Variants in ESPNL observed in about 807,000 individuals in gnomAD.
ESPNL encodes the protein espin like, also known as espin-like protein.
Under a neutral mutation model 46.8 loss-of-function variants are expected in ESPNL, and 49 were observed. The observed-to-expected ratio is 1.05, with a 90% CI of 0.83 to 1.33. The LOEUF is 1.33. ESPNL is among the 40% of genes most tolerant of loss of function. The pLI is 0.00. For synonymous variants in ESPNL, 664 were observed against 662.1 expected (o/e 1.00, Z -0.04); for missense variants, 1,540 against 1,436.6 (o/e 1.07, Z -1.16).
intron 3 of ESPNL, 142 bp from the exon 4 acceptor site, chr2:238,107,649 C>G: frequency 1.2e-6 from 1 of 850,958 alleles, no homozygotes; most frequent in South Asian, 1.9e-5. Context: ...CTCAGCCAGC[C>G]CTGTCCGGGG....
In ESPNL at chr2:238,125,328, C is replaced by G; in HGVS notation, c.1046C>G (p.Thr349Arg). 1 of 1,574,052 alleles carries G rather than the reference C, an allele frequency of 6.4e-7. No homozygotes were observed. The highest frequency in any genetic ancestry group is 8.6e-7 in the Non-Finnish European group (1 of 1,160,218). Residue 349 changes from threonine to arginine, a missense_variant, in exon 6 of 9, where the codon ACG becomes AGG. Thr to Arg is a moderately conservative substitution (Grantham distance 71). Coordinates refer to ENST00000343063, the MANE Select transcript of ESPNL (RefSeq NM_194312.4). ...TTCCCCCCACCTCCACTGTTGGCCACGAGGCGCTCCCTGGAGGATGGAAGA... is the reference window on the plus strand; with the variant it reads ...TTCCCCCCACCTCCACTGTTGGCCAGGAGGCGCTCCCTGGAGGATGGAAGA... ...PPFPPPPLLATRRSLEDGRRG... is the reference protein window; with the variant it reads ...PPFPPPPLLARRRSLEDGRRG...
intron 5 of ESPNL, among the ~76,000 whole-genome samples, chr2:238,119,447 A>AGGAGGGTGGATG (rs1559263993): frequency 5.4e-5 from 4 of 74,002 alleles, no homozygotes; most frequent in African/African-American, 2.4e-4. Context: ...GAGGTGGAGG[A>AGGAGGGTGGATG]GAGGAGGTTA....
In ESPNL at chr2:238,131,894, TCTC is replaced by T; in HGVS notation, c.*167_*169del. On this transcript the variant is annotated 3_prime_UTR_variant, in exon 9 of 9. Coordinates refer to ENST00000343063, the MANE Select transcript of ESPNL (RefSeq NM_194312.4). ...CGGGACTGTTCTGTTGTGGCATGGT[TCTC>T]CTCCGAGCTGGGACTCAGACTCCTT... The T allele has an allele frequency of 1.3e-6, 1 of 763,244 alleles. No individual in the cohort carries two copies. The allele number at this position is 763,244 out of a possible 1,614,324, so 47.3% of individuals were successfully genotyped here. A position where few individuals can be genotyped will look rare whatever the true frequency, so the allele number is the denominator to read the frequency against.
chr2:238,126,947 C>CTATGTTATTGTGTGTGTCACTA (rs143078632), intron 6 of ESPNL, among the ~76,000 whole-genome samples: 2 of 149,800 alleles, frequency 1.3e-5, no homozygotes, highest in African/African-American at 4.9e-5. Context: ...GTGTGTGTCA[C>CTATGTTATTGTGTGTGTCACTA]TGTTATTGTG....
At position 238,100,515 on chromosome 2, in the gene ESPNL, C is replaced by T. The variant is rs747153508; in HGVS notation, c.96C>T (p.Thr32=). ...LEAGALGPGI[T]DALGAGLVHH... ...CTGGCGCCCTGGGCCCGGGCATCACCGATGCTCTGGGGGCCGGCCTGGTTC... is the reference window on the plus strand; with the variant it reads ...CTGGCGCCCTGGGCCCGGGCATCACTGATGCTCTGGGGGCCGGCCTGGTTC... Residue 32 remains threonine, a synonymous_variant, in exon 1 of 9, where the codon ACC becomes ACT. Coordinates refer to ENST00000343063, the MANE Select transcript of ESPNL (RefSeq NM_194312.4). 31 of 1,597,180 alleles carry T rather than the reference C, an allele frequency of 1.9e-5. No individual in the cohort carries two copies. The highest frequency in any genetic ancestry group is 9.1e-5 in the East Asian group (4 of 44,184).
rs751883535 is a variant in ESPNL, at chr2:238,130,854, T to G, written c.2140T>G (p.Ser714Ala). ...TGGCGACACAGAGGAGGCCAGCGACTCTGGCATCAGCTGCGAGGAGGTGCC... is the reference window on the plus strand; with the variant it reads ...TGGCGACACAGAGGAGGCCAGCGACGCTGGCATCAGCTGCGAGGAGGTGCC... ...RPGDTEEASD[S>A]GISCEEVPSE... is the part of the protein sequence containing the mutation. The change falls in exon 9 of 9, where the codon TCT becomes GCT. Residue 714 changes from serine (S) to alanine (A), a missense_variant. Ser to Ala is a moderately conservative substitution (Grantham distance 99). Coordinates refer to ENST00000343063, the MANE Select transcript of ESPNL (RefSeq NM_194312.4). 8 of 1,553,582 alleles carry G rather than the reference T, an allele frequency of 5.1e-6. No individual in the cohort carries two copies. The highest frequency in any genetic ancestry group is 7.0e-6 in the Non-Finnish European group (8 of 1,150,422).
chr2:238,112,212 T>TTTTTTTTTTTTTTTTTTTTG (rs1559261150), intron 4 of ESPNL, among the ~76,000 whole-genome samples: 1 of 151,896 alleles, frequency 6.6e-6, no homozygotes, highest in African/African-American at 2.4e-5. Context: ...TTCTATTTTT[T>TTTTTTTTTTTTTTTTTTTTG]ATGTGTTGGT....
rs151032304 is a variant in ESPNL at position 238,124,400 on chromosome 2, C to G, written c.988-870C>G. ...TGGTGGGCACATTGGGGACCCCATC[C>G]TAGTCCACTGCCCTTCCCTCTCCTC... is the stretch of plus-strand genomic sequence containing the variant. On this transcript the variant is annotated intron_variant, in intron 5 of 8. Coordinates refer to ENST00000343063, the MANE Select transcript of ESPNL (RefSeq NM_194312.4). Among the ~76,000 whole-genome samples the G allele has an allele frequency of 5.3e-3, 805 of 152,356 alleles. 7 individuals are homozygous for G. The highest frequency in any genetic ancestry group is 0.018 in the African/African-American group (754 of 41,576).
rs550082764 is a variant in ESPNL at position 238,114,827 on chromosome 2, G to A, written c.856-2076G>A. Among the ~76,000 whole-genome samples the A allele has an allele frequency of 1.6e-4, 25 of 152,296 alleles. No individual in the cohort carries two copies. In the South Asian group the frequency reaches 4.3e-3, roughly 26 times the overall value. On this transcript the variant is annotated intron_variant, in intron 4 of 8. Transcript: ENST00000343063. This position sits in a 1 kb window ranked among gnomAD's most constrained non-coding sequence, Gnocchi z 5.0. ...CACAAATAAAGCCTTGTGGGCACCCGGCCACGCTATGGGTGGCAGCTTTCG... is the reference window on the plus strand; with the variant it reads ...CACAAATAAAGCCTTGTGGGCACCCAGCCACGCTATGGGTGGCAGCTTTCG...
chr2:238,124,509 A>G (rs1692053964), intron 5 of ESPNL, among the ~76,000 whole-genome samples: 1 of 152,186 alleles, frequency 6.6e-6, no homozygotes, highest in Non-Finnish European at 1.5e-5. Flanking sequence ...ACCACAGCAC[A>G]GGAGTCAGGG....
rs5839686 is a variant in ESPNL at position 238,110,949 on chromosome 2, C to CTTTTTTTTT, written c.855+2989_855+2997dup. On this transcript the variant is annotated intron_variant, in intron 4 of 8. Transcript: ENST00000343063. ...GTTTCAGTATATCACATTAGTTATTCTTTTTTTTTTTTTTTTTTTTTGAGA... is the reference window on the plus strand; with the variant it reads ...GTTTCAGTATATCACATTAGTTATTCTTTTTTTTTTTTTTTTTTTTTTTTTTTTTTGAGA... Among the ~76,000 whole-genome samples the CTTTTTTTTT allele has an allele frequency of 2.4e-4, 27 of 111,000 alleles. 1 individual carries two copies. The highest frequency in any genetic ancestry group is 4.2e-4 in the Non-Finnish European group (24 of 56,912). 72.8% of individuals were successfully genotyped at this position (111,000 alleles called of 152,430 possible).
chr2:238,105,225 C>T (rs543652565), intron 3 of ESPNL, among the ~76,000 whole-genome samples: 154 of 152,244 alleles, frequency 1.0e-3, no homozygotes, highest in African/African-American at 3.4e-3. Context: ...GCCCTGCCGC[C>T]TGAGATCCCC....
chr2:238,128,824 C>G lies in ESPNL; in HGVS notation c.1333C>G (p.Pro445Ala), dbSNP rs1325686174. 2.6e-6 allele frequency: 4 copies of G among 1,550,844 alleles called. No individual in the cohort carries two copies. The highest frequency in any genetic ancestry group is 3.5e-6 in the Non-Finnish European group (4 of 1,147,784). ...GCCCACGCGGGATGAGCGCGGCCAG[C>G]CCATCCCAGAGTGGAAGCGGCAGGT... ...LVPTRDERGQPIPEWKRQVMV... is the reference protein window; with the variant it reads ...LVPTRDERGQAIPEWKRQVMV... Residue 445 changes from proline (P) to alanine (A), a missense_variant, in exon 8 of 9, where the codon CCC becomes GCC. Transcript: ENST00000343063.
intron 8 of ESPNL, 114 bp downstream of exon 8, chr2:238,129,018 C>T: frequency 2.1e-6 from 3 of 1,445,142 alleles, no homozygotes; most frequent in Non-Finnish European, 2.7e-6. Flanking sequence ...CCAGGGGCCC[C>T]TCTCCTCTGT....
At chr2:238,108,961 G>A (rs1024331859) in intron 4 of ESPNL, among the ~76,000 whole-genome samples, 1 of 152,142 alleles carries the variant, frequency 6.6e-6, no homozygotes, top group Non-Finnish European at 1.5e-5. Flanking sequence ...GCTGCTGAAA[G>A]CATCTTTCTC....
At chr2:238,106,134 C>T (rs919834271) in intron 3 of ESPNL, among the ~76,000 whole-genome samples, 4 of 152,336 alleles carry the variant, frequency 2.6e-5, no homozygotes, top group Middle Eastern at 3.4e-3. Flanking sequence ...TTCCACCAGC[C>T]GGCGTGTAGG....
At chr2:238,129,537 C>T (rs1027629857) in intron 8 of ESPNL, among the ~76,000 whole-genome samples, 1 of 152,130 alleles carries the variant, frequency 6.6e-6, no homozygotes, top group African/African-American at 2.4e-5. Flanking sequence ...TCTGTGAGGC[C>T]GTGGGGAGCC....
At chr2:238,121,344 C>T (rs1307384479) in intron 5 of ESPNL, among the ~76,000 whole-genome samples, 1 of 152,236 alleles carries the variant, frequency 6.6e-6, no homozygotes, top group African/African-American at 2.4e-5. Flanking sequence ...TCACCCCCAC[C>T]CGCCAGCACT....
chr2:238,125,737 G>T (rs998073948), intron 6 of ESPNL, among the ~76,000 whole-genome samples: 1 of 151,954 alleles, frequency 6.6e-6, no homozygotes. Flanking sequence ...TCACGCTGTG[G>T]GCCACCACCA....
Sources: allele counts gnomAD v4.1 joint callset (sites outside exome capture counted in the v4.1 genomes callset), GRCh38; gene constraint gnomAD v4.1.1; non-coding constraint Gnocchi (gnomAD v3.1); transcripts MANE v1.5; gene names NCBI Gene and HGNC (gene_info 2026-07-23, HGNC 2026-07-21).